The following NDST3 variants were observed in gnomAD, a reference collection of about 807,000 sequenced individuals.
The protein encoded by NDST3 is N-deacetylase and N-sulfotransferase 3.
Under a neutral mutation model 96.1 loss-of-function variants are expected in NDST3, and 58 were observed. The observed-to-expected ratio is 0.60, with a 90% CI of 0.49 to 0.75. The LOEUF is 0.75. Ranked by LOEUF, NDST3 falls within the 30% of genes least tolerant of loss-of-function variation. The pLI, the probability that NDST3 is intolerant of heterozygous loss-of-function variation, is 0.00. For synonymous variants in NDST3, 333 were observed against 359.7 expected, an observed-to-expected ratio of 0.93 and a Z score of 0.84; for missense variants, 788 against 1,034.2, an observed-to-expected ratio of 0.76 and a Z score of 3.27.
At chr4:118,149,591 T>C (rs995235716) in intron 6 of NDST3, among the ~76,000 whole-genome samples, 1 of 150,364 alleles carries the variant, frequency 6.7e-6, no homozygotes, top group African/African-American at 2.4e-5. Context: ...CTTGTGATTT[T>C]TGTACATTGA....
chr4:118,052,030 T>C (rs1725109059), intron 1 of NDST3, among the ~76,000 whole-genome samples: 1 of 152,120 alleles, frequency 6.6e-6, no homozygotes, highest in Non-Finnish European at 1.5e-5. Context: ...ATTCCATTAC[T>C]GGGTATATAC....
chr4:118,200,103 A>G (rs1737969319), intron 6 of NDST3, among the ~76,000 whole-genome samples: 1 of 152,212 alleles, frequency 6.6e-6, no homozygotes, highest in South Asian at 2.1e-4. Context: ...TGACAGAGCC[A>G]GCCAGGCCTA....
In NDST3 at chr4:118,242,117, C is replaced by T; in HGVS notation, c.2367C>T (p.Val789=). ...ATGAAGTACAGAAGTTTCTAGGAGT[C>T]TTGCCTCATTATAATTACTCAGAAG... ...VMDEVQKFLG[V]LPHYNYSEAL... is the part of the protein sequence containing the mutation. Residue 789 remains valine (V), a synonymous_variant, in exon 12 of 14, where the codon GTC becomes GTT. Coordinates refer to ENST00000296499, the MANE Select transcript of NDST3 (RefSeq NM_004784.3). 1 of 1,610,348 alleles carries T rather than the reference C, an allele frequency of 6.2e-7. No individual in the cohort carries two copies. Among genetic ancestry groups the T allele is most frequent in the Non-Finnish European group, 8.5e-7 (1 of 1,176,994 alleles).
Position 118,070,214 on chromosome 4 carries a change from T to C in NDST3, c.981+15323T>C, listed in dbSNP as rs529139919. On this transcript the variant is annotated intron_variant, in intron 2 of 13. Coordinates refer to ENST00000296499, the MANE Select transcript of NDST3 (RefSeq NM_004784.3). ...TCATTGCTAAGGTCTCGACCAGTTCTAACTCTGTGAAATTCTTTAAAACAT... is the reference window on the plus strand; with the variant it reads ...TCATTGCTAAGGTCTCGACCAGTTCCAACTCTGTGAAATTCTTTAAAACAT... 3.9e-5 allele frequency among the ~76,000 whole-genome samples: 6 copies of C among 152,280 alleles called. No homozygotes were observed. The East Asian group carries it at 1.2e-3, about 29-fold the overall frequency.
chr4:118,256,433 A>G lies in NDST3; in HGVS notation c.*721A>G, dbSNP rs952579992. On this transcript the variant is annotated 3_prime_UTR_variant, in exon 14 of 14. Coordinates refer to ENST00000296499, the MANE Select transcript of NDST3 (RefSeq NM_004784.3). The stretch of plus-strand genomic sequence containing the variant: ...GAAATATATACTGTAAAGCTGTTGG[A>G]TGGTAAATAGAAACACATCAAGTAC... 4.6e-5 allele frequency: 7 copies of G among 152,230 alleles called. No individual in the cohort carries two copies. Among genetic ancestry groups the G allele is most frequent in the South Asian group, 4.1e-4 (2 of 4,838 alleles). The allele number at this position is 152,230 out of a possible 1,614,324, so 9.4% of individuals were successfully genotyped here.
Position 118,081,396 on chromosome 4 carries a change from T to C in NDST3, c.982-23622T>C, listed in dbSNP as rs1028943048. Reference sequence around the variant, plus strand: ...CTCAGTTTATTTTTTAAATGATGCATACAATGCAAGTGATTGTGTGTGTGT... The same window carrying C: ...CTCAGTTTATTTTTTAAATGATGCACACAATGCAAGTGATTGTGTGTGTGT... On this transcript the variant is annotated intron_variant, in intron 2 of 13. Coordinates refer to ENST00000296499, the MANE Select transcript of NDST3 (RefSeq NM_004784.3). Among the ~76,000 whole-genome samples the C allele has an allele frequency of 7.6e-4, 104 of 137,176 alleles. 1 individual carries two copies. The highest frequency in any genetic ancestry group is 2.6e-3 in the African/African-American group (103 of 39,706). The allele number at this position is 137,176 out of a possible 152,430, so 90.0% of individuals were successfully genotyped here. A position where few individuals can be genotyped will look rare whatever the true frequency, so the allele number is the denominator to read the frequency against.
At chr4:118,143,473 TCTTGTGTGA>T in intron 5 of NDST3, 74 bp from the exon 6 acceptor site, 1 of 1,434,762 alleles carries the variant, frequency 7.0e-7, no homozygotes, top group Non-Finnish European at 9.5e-7. Context: ...TTGTGCATCA[TCTTGTGTGA>T]GCAAAAAGCT....
chr4:118,216,613 CA>C (rs1388858169), intron 6 of NDST3, among the ~76,000 whole-genome samples: 2 of 151,908 alleles, frequency 1.3e-5, no homozygotes, highest in Non-Finnish European at 2.9e-5. Flanking sequence ...CTGTACAGGC[CA>C]AAGGCAAAGA....
chr4:118,214,496 T>C (rs1739066798), intron 6 of NDST3, among the ~76,000 whole-genome samples: 1 of 152,196 alleles, frequency 6.6e-6, no homozygotes, highest in Admixed American at 6.6e-5. Flanking sequence ...ATTATTTAAA[T>C]TGATTTTATT....
At chr4:118,193,616 G>A in intron 6 of NDST3, 1 of 1,249,630 alleles carries the variant, frequency 8.0e-7, no homozygotes, top group South Asian at 1.2e-5. Flanking sequence ...CTGGGCCTTG[G>A]CGGCTTCGTT....
At chr4:118,098,315 GA>G (rs1466549931) in intron 2 of NDST3, among the ~76,000 whole-genome samples, 1 of 151,772 alleles carries the variant, frequency 6.6e-6, no homozygotes, top group Non-Finnish European at 1.5e-5. Context: ...GAATGAATGA[GA>G]TTTAACTAAT....
At chr4:118,055,783 A>G (rs1424168707) in intron 2 of NDST3, 1 of 151,912 alleles carries the variant, frequency 6.6e-6, no homozygotes, top group Non-Finnish European at 1.5e-5. Flanking sequence ...TTTTGGTAGA[A>G]TATCTAGAAT....
At chr4:118,186,368 G>T (rs1393343774) in intron 6 of NDST3, among the ~76,000 whole-genome samples, 1 of 152,190 alleles carries the variant, frequency 6.6e-6, no homozygotes, top group African/African-American at 2.4e-5. Context: ...AAAAAGGGAA[G>T]TTTATTAAGC....
At chr4:118,112,125 T>G (rs979694221) in intron 3 of NDST3, among the ~76,000 whole-genome samples, 1 of 151,562 alleles carries the variant, frequency 6.6e-6, no homozygotes, top group South Asian at 2.1e-4. Context: ...GAGATAAATA[T>G]GTCAGAAGGC....
intron 2 of NDST3, among the ~76,000 whole-genome samples, chr4:118,077,930 C>T (rs767790235): frequency 6.6e-6 from 1 of 152,112 alleles, no homozygotes; most frequent in African/African-American, 2.4e-5. Context: ...TGGGGTTGCC[C>T]GCCCTTCTGT....
intron 5 of NDST3, among the ~76,000 whole-genome samples, chr4:118,141,631 T>C (rs1429378384): frequency 6.6e-6 from 1 of 152,248 alleles, no homozygotes; most frequent in Non-Finnish European, 1.5e-5. Flanking sequence ...TGGCTCTGTA[T>C]ATATCCTATA....
At chr4:118,203,517 C>T (rs1738233168) in intron 6 of NDST3, among the ~76,000 whole-genome samples, 1 of 152,138 alleles carries the variant, frequency 6.6e-6, no homozygotes, top group Non-Finnish European at 1.5e-5. Context: ...GGTTTTCAAT[C>T]TCTTCCTGAT....
chr4:118,121,651 C>G (rs971890911), intron 4 of NDST3, among the ~76,000 whole-genome samples: 1 of 150,836 alleles, frequency 6.6e-6, no homozygotes, highest in African/African-American at 2.4e-5. Context: ...GACATAGATT[C>G]AATAAGTTTT....
At chr4:118,164,825 T>C (rs995906926) in intron 6 of NDST3, among the ~76,000 whole-genome samples, 3 of 152,270 alleles carry the variant, frequency 2.0e-5, no homozygotes, top group South Asian at 2.1e-4. Flanking sequence ...TTATATCCAA[T>C]TGAAGTTAAA....
Sources: gnomAD v4.1 joint callset for allele counts (sites outside exome capture counted in the v4.1 genomes callset) on GRCh38, gnomAD v4.1.1 for gene constraint, MANE v1.5 for transcripts, NCBI Gene and HGNC (gene_info 2026-07-23, HGNC 2026-07-21) for gene names.